The following PCLO variants were observed in gnomAD, a reference collection of about 807,000 sequenced individuals.
PCLO encodes the protein piccolo presynaptic cytomatrix protein, also known as protein piccolo.
PCLO carries 82 observed loss-of-function variants against 427.5 expected under a neutral mutation model. The observed-to-expected ratio is 0.19, with a 90% CI of 0.16 to 0.23. The LOEUF (loss-of-function observed/expected upper bound fraction) is 0.23, where lower values mean the gene tolerates loss of function less well. Among genes scored for constraint, PCLO ranks in the 10% least tolerant of loss-of-function variants. PCLO has a pLI of 1.00. For missense variants in PCLO, 6,239 were observed against 6,115.9 expected (o/e 1.02, Z -0.67); for synonymous variants, 2,357 against 2,155.4 (o/e 1.09, Z -2.59).
intron 3 of PCLO, among the ~76,000 whole-genome samples, chr7:83,122,735 G>C (rs566125358): frequency 9.2e-5 from 14 of 152,248 alleles, no homozygotes; most frequent in African/African-American, 3.1e-4. Context: ...CTTATATTTT[G>C]AAAAACTTAA....
intron 3 of PCLO, among the ~76,000 whole-genome samples, chr7:83,040,964 G>T: frequency 6.6e-6 from 1 of 152,072 alleles, no homozygotes; most frequent in East Asian, 1.9e-4. Context: ...AAGGATAATT[G>T]TGAATAGTTT....
chr7:82,816,949 T>C (rs1396214181), intron 20 of PCLO, among the ~76,000 whole-genome samples: 1 of 152,174 alleles, frequency 6.6e-6, no homozygotes, highest in Non-Finnish European at 1.5e-5. Context: ...ATTTACTGTC[T>C]GATTCTGTAT....
At chr7:83,067,365 G>T (rs1242203311) in intron 3 of PCLO, among the ~76,000 whole-genome samples, 1 of 152,120 alleles carries the variant, frequency 6.6e-6, no homozygotes, top group African/African-American at 2.4e-5. Context: ...ATATTTCAGA[G>T]ACTTTCTCTG....
chr7:82,962,160 A>C (rs1252684625), intron 4 of PCLO, among the ~76,000 whole-genome samples: 1 of 152,168 alleles, frequency 6.6e-6, no homozygotes, highest in Admixed American at 6.5e-5. Flanking sequence ...CTAAATATAG[A>C]ACGTGCTTTG....
chr7:82,764,391 A>G (rs1258873036), intron 22 of PCLO, among the ~76,000 whole-genome samples: 1 of 151,982 alleles, frequency 6.6e-6, no homozygotes, highest in Non-Finnish European at 1.5e-5. Context: ...TATCATCAAT[A>G]TGACATAACA....
intron 3 of PCLO, among the ~76,000 whole-genome samples, chr7:83,057,657 G>A (rs1053228791): frequency 3.3e-5 from 5 of 151,208 alleles, no homozygotes; most frequent in Non-Finnish European, 5.9e-5. Flanking sequence ...CACCACGCCC[G>A]GCCTCTATCA....
chr7:82,881,831 C>A (rs1793515461), intron 9 of PCLO, among the ~76,000 whole-genome samples: 1 of 151,836 alleles, frequency 6.6e-6, no homozygotes, highest in African/African-American at 2.4e-5. Flanking sequence ...TTAGTAGACA[C>A]CCAGTCTGGC....
chr7:82,781,406 T>C (rs1203276519), intron 22 of PCLO, among the ~76,000 whole-genome samples: 1 of 151,652 alleles, frequency 6.6e-6, no homozygotes, highest in Non-Finnish European at 1.5e-5. Flanking sequence ...GCCATGGTGG[T>C]TTGCTGCAAC....
At chr7:83,008,974 C>T (rs1185185604) in intron 3 of PCLO, among the ~76,000 whole-genome samples, 1 of 151,402 alleles carries the variant, frequency 6.6e-6, no homozygotes, top group Non-Finnish European at 1.5e-5. Context: ...TTTCCTGAGA[C>T]ATTTATATAA....
At chr7:83,030,133 AAGAAAAG>A (rs1788627078) in intron 3 of PCLO, among the ~76,000 whole-genome samples, 2 of 142,428 alleles carry the variant, frequency 1.4e-5, no homozygotes, top group Non-Finnish European at 3.1e-5. Flanking sequence ...AAAAAAAAAA[AAGAAAAG>A]AAAAGACTCA....
chr7:82,955,014 T>C lies in PCLO; in HGVS notation c.5939A>G (p.Glu1980Gly). Residue 1980 changes from glutamate (E) to glycine (G), a missense_variant, in exon 5 of 25, where the codon GAA becomes GGA. This residue lies in a region of PCLO where 4,677 missense variants were observed against 4,468.4 expected (regional missense o/e 1.05). Transcript: ENST00000333891. ...TCCTTTCTGCTGCATAAATCCATTT[T>C]CTTCTTCTTGCCTTGTTAGCAGACT... ...DGSLLTRQEE[E>G]NGFMQQKGRE... 2 of 1,613,824 alleles carry C rather than the reference T, an allele frequency of 1.2e-6. No individual in the cohort carries two copies. Among genetic ancestry groups the C allele is most frequent in the Non-Finnish European group, 1.7e-6 (2 of 1,179,860 alleles).
intron 3 of PCLO, among the ~76,000 whole-genome samples, chr7:82,990,907 A>G (rs2115839918): frequency 6.6e-6 from 1 of 152,260 alleles, no homozygotes. Context: ...CAAATTATCA[A>G]ACAAAAAGCA....
intron 3 of PCLO, among the ~76,000 whole-genome samples, chr7:83,015,515 T>C (rs1439011197): frequency 6.6e-6 from 1 of 152,128 alleles, no homozygotes; most frequent in Non-Finnish European, 1.5e-5. Context: ...TAAGATAGCA[T>C]TTGTTTCAAA....
chr7:83,038,039 TTATATATATATCTTTATATA>T (rs1788859592), intron 3 of PCLO, among the ~76,000 whole-genome samples: 1 of 23,384 alleles, frequency 4.3e-5, no homozygotes, highest in African/African-American at 3.1e-4. Context: ...ATTTATATAT[TTATATATATATCTTTATATA>T]TATATTTATA....
intron 22 of PCLO, among the ~76,000 whole-genome samples, chr7:82,781,143 A>C (rs1790863825): frequency 6.6e-6 from 1 of 151,952 alleles, no homozygotes; most frequent in Non-Finnish European, 1.5e-5. Context: ...TAGATTTAAA[A>C]AATTTTTCAT....
At position 82,993,036 on chromosome 7, in the gene PCLO, CAT is replaced by C. The variant is rs369139242; in HGVS notation, c.3301-26551_3301-26550del. ...TACATACATGGCACAGTCAGAGCCA[CAT>C]GTTTAGAGTCACTAAACATTGTATT... is the stretch of plus-strand genomic sequence containing the variant. On this transcript the variant is annotated intron_variant, in intron 3 of 24. Coordinates refer to ENST00000333891, the MANE Select transcript of PCLO (RefSeq NM_033026.6). Among the ~76,000 whole-genome samples, 762 of 152,102 alleles carry C rather than the reference CAT, an allele frequency of 5.0e-3. 5 individuals are homozygous for C. Among genetic ancestry groups the C allele is most frequent in the Middle Eastern group, 6.8e-3 (2 of 294 alleles).
chr7:83,052,619 T>A (rs1789282231), intron 3 of PCLO, among the ~76,000 whole-genome samples: 2 of 151,990 alleles, frequency 1.3e-5, no homozygotes, highest in Admixed American at 6.6e-5. Context: ...TCTACAGGAA[T>A]CAAAAATCAA....
chr7:83,153,035 A>C (rs1165745570), intron 2 of PCLO, among the ~76,000 whole-genome samples: 1 of 152,026 alleles, frequency 6.6e-6, no homozygotes, highest in Admixed American at 6.6e-5. Flanking sequence ...AATTGCCACA[A>C]AACCAAGACA....
rs571734370 is a variant in PCLO at position 82,800,424 on chromosome 7, A to G, written c.15007+1094T>C. ...TGTTCTGTCCTTGTTCCATGTGTGC[A>G]CTTCAGTTTCCTTTTATATAAAGCC... On this transcript the variant is annotated intron_variant, in intron 22 of 24. Transcript: ENST00000333891. 2.0e-5 allele frequency among the ~76,000 whole-genome samples: 3 copies of G among 152,248 alleles called. No homozygotes were observed. The East Asian group carries it at 5.8e-4, about 29-fold the overall frequency.
Sources: allele counts gnomAD v4.1 joint callset (sites outside exome capture counted in the v4.1 genomes callset), GRCh38; gene constraint gnomAD v4.1.1; regional missense constraint gnomAD v4.1.1; transcripts MANE v1.5; gene names NCBI Gene and HGNC (gene_info 2026-07-23, HGNC 2026-07-21).